ARHGAP26: variants seen among roughly 807,000 people sequenced by gnomAD.
ARHGAP26 encodes Rho GTPase activating protein 26.
Under a neutral mutation model 104.8 loss-of-function variants are expected in ARHGAP26, and 38 were observed. The ratio of observed to expected loss-of-function variants is 0.36; its 90% confidence interval spans 0.28 to 0.48. The LOEUF (loss-of-function observed/expected upper bound fraction) is 0.48. Among genes scored for constraint, ARHGAP26 ranks in the 20% least tolerant of loss-of-function variants. The pLI is 0.99. For missense variants in ARHGAP26, 704 were observed against 947.9 expected (o/e 0.74, Z 3.38); for synonymous variants, 341 against 340.0 (o/e 1.00, Z -0.03).
intron 1 of ARHGAP26, among the ~76,000 whole-genome samples, chr5:142,816,473 C>T (rs371922101): frequency 1.3e-5 from 2 of 152,192 alleles, no homozygotes; most frequent in Admixed American, 1.3e-4. Flanking sequence ...CCACAATTCA[C>T]AGGAGGATAG....
chr5:143,222,987 CTG>C lies in ARHGAP26; in HGVS notation c.*543_*544del, dbSNP rs774198553. 7 of 233,136 alleles carry C rather than the reference CTG, an allele frequency of 3.0e-5. No individual in the cohort carries two copies. Among genetic ancestry groups the C allele is most frequent in the Admixed American group, 1.7e-4 (3 of 17,764 alleles). 14.4% of individuals were successfully genotyped at this position (233,136 alleles called of 1,614,324 possible). On this transcript the variant is annotated 3_prime_UTR_variant, in exon 23 of 23. Coordinates refer to ENST00000645722, the MANE Select transcript of ARHGAP26 (RefSeq NM_001135608.3). ...ATGCAGGATGAAGAGGGTTAAAACA[CTG>C]TTTATATAAGATCCAATCTCTCACC...
chr5:143,123,087 C>T (rs1308401148), intron 18 of ARHGAP26, among the ~76,000 whole-genome samples: 1 of 152,198 alleles, frequency 6.6e-6, no homozygotes, highest in Non-Finnish European at 1.5e-5. Context: ...ATGTGACAGC[C>T]AGCCTCCAAA....
intron 10 of ARHGAP26, among the ~76,000 whole-genome samples, chr5:142,928,219 TTG>T (rs377280411): frequency 6.8e-6 from 1 of 147,518 alleles, no homozygotes; most frequent in African/African-American, 2.6e-5. Context: ...TTAGGACTTT[TTG>T]TGTGTGTGTG....
At chr5:142,959,634 T>C (rs1769870425) in intron 11 of ARHGAP26, among the ~76,000 whole-genome samples, 1 of 152,228 alleles carries the variant, frequency 6.6e-6, no homozygotes, top group African/African-American at 2.4e-5. Flanking sequence ...CACCCTATGC[T>C]TCACATCACT....
At chr5:143,154,300 G>A (rs1181709743) in intron 20 of ARHGAP26, among the ~76,000 whole-genome samples, 1 of 152,084 alleles carries the variant, frequency 6.6e-6, no homozygotes, top group African/African-American at 2.4e-5. Context: ...AAGGAGATAG[G>A]GATTTGGAGG....
chr5:143,021,610 C>T (rs1343720514), intron 12 of ARHGAP26, among the ~76,000 whole-genome samples: 1 of 151,774 alleles, frequency 6.6e-6, no homozygotes, highest in African/African-American at 2.4e-5. Flanking sequence ...GAACTTTGGA[C>T]AGGTGGTGCG....
intron 11 of ARHGAP26, among the ~76,000 whole-genome samples, chr5:142,998,235 A>G (rs980807946): frequency 6.6e-6 from 1 of 152,150 alleles, no homozygotes; most frequent in Non-Finnish European, 1.5e-5. Context: ...TATTCCTTTT[A>G]TGTTAAGATT....
chr5:143,080,601 G>A (rs1313044491), intron 17 of ARHGAP26, among the ~76,000 whole-genome samples: 1 of 152,228 alleles, frequency 6.6e-6, no homozygotes, highest in Non-Finnish European at 1.5e-5. Flanking sequence ...CACCTGCTTG[G>A]TGTGGAAACA....
chr5:143,008,284 A>T (rs1778263391), intron 11 of ARHGAP26, among the ~76,000 whole-genome samples: 1 of 152,216 alleles, frequency 6.6e-6, no homozygotes, highest in African/African-American at 2.4e-5. Context: ...GTTAGCCAAT[A>T]AACAGTAAAG....
chr5:143,149,886 A>T (rs112912765), intron 20 of ARHGAP26, among the ~76,000 whole-genome samples: 1 of 152,080 alleles, frequency 6.6e-6, no homozygotes, highest in African/African-American at 2.4e-5. Context: ...TTATTTCACT[A>T]TTTTTCATAA....
At chr5:142,964,313 C>A (rs1770890361) in intron 11 of ARHGAP26, among the ~76,000 whole-genome samples, 1 of 152,160 alleles carries the variant, frequency 6.6e-6, no homozygotes, top group Non-Finnish European at 1.5e-5. Context: ...ATACCTGTAA[C>A]ATTTGTTCTA....
chr5:143,113,516 A>G (rs1397517098), intron 17 of ARHGAP26, among the ~76,000 whole-genome samples: 1 of 152,118 alleles, frequency 6.6e-6, no homozygotes, highest in Admixed American at 6.5e-5. Flanking sequence ...CCTCCTTTTT[A>G]AAATTTCTCC....
At chr5:143,022,067 A>G (rs1780411134) in intron 12 of ARHGAP26, among the ~76,000 whole-genome samples, 1 of 139,544 alleles carries the variant, frequency 7.2e-6, no homozygotes, top group African/African-American at 2.7e-5. Flanking sequence ...AAATCCCCTG[A>G]TTTTATTTTG....
intron 21 of ARHGAP26, among the ~76,000 whole-genome samples, chr5:143,209,596 C>T (rs1042650111): frequency 3.3e-5 from 5 of 152,046 alleles, no homozygotes; most frequent in Admixed American, 6.5e-5. Context: ...GCCTGGACAA[C>T]GTGACAAAAC....
chr5:143,134,826 A>T (rs1797738546), intron 19 of ARHGAP26, among the ~76,000 whole-genome samples: 2 of 152,278 alleles, frequency 1.3e-5, no homozygotes, highest in Admixed American at 6.5e-5. Flanking sequence ...GGACCCACTC[A>T]TAGGAAGTTA....
chr5:143,099,838 T>C (rs1386735564), intron 17 of ARHGAP26, among the ~76,000 whole-genome samples: 2 of 152,274 alleles, frequency 1.3e-5, no homozygotes. Flanking sequence ...AAAATAGTTA[T>C]GTTTCAAAAA....
chr5:143,108,036 C>T (rs981435117), intron 17 of ARHGAP26, among the ~76,000 whole-genome samples: 1 of 152,170 alleles, frequency 6.6e-6, no homozygotes, highest in African/African-American at 2.4e-5. Context: ...TATATAAACA[C>T]TGTTATTTTG....
At chr5:143,216,834 G>A (rs537679031) in intron 22 of ARHGAP26, 2 of 153,348 alleles carry the variant, frequency 1.3e-5, no homozygotes, top group African/African-American at 2.4e-5. Context: ...CTGACAAAAC[G>A]TTAGTACACT....
At chr5:142,933,541 G>A (rs548301218) in intron 11 of ARHGAP26, among the ~76,000 whole-genome samples, 1 of 152,274 alleles carries the variant, frequency 6.6e-6, no homozygotes, top group South Asian at 2.1e-4. Flanking sequence ...CGAGAAGGGA[G>A]GAGTCCATGC....
Sources: gnomAD v4.1 joint callset for allele counts (sites outside exome capture counted in the v4.1 genomes callset) on GRCh38, gnomAD v4.1.1 for gene constraint, MANE v1.5 for transcripts, NCBI Gene and HGNC (gene_info 2026-07-23, HGNC 2026-07-21) for gene names.